Variants in MCTP1 observed in about 807,000 individuals in gnomAD.
MCTP1 encodes multiple C2 and transmembrane domain-containing protein 1.
MCTP1 carries 69 observed loss-of-function variants against 120.6 expected under a neutral mutation model. That is an observed-to-expected ratio of 0.57 (90% CI 0.47 to 0.70). The LOEUF is 0.70. MCTP1 is among the 30% of genes least tolerant of loss of function. MCTP1 has a pLI of 0.00. For missense variants in MCTP1, 1,203 were observed against 1,248.8 expected (o/e 0.96, Z 0.55); for synonymous variants, 529 against 493.1 (o/e 1.07, Z -0.96).
chr5:94,973,451 T>C (rs986477268), intron 2 of MCTP1, among the ~76,000 whole-genome samples: 1 of 152,144 alleles, frequency 6.6e-6, no homozygotes, highest in African/African-American at 2.4e-5. Flanking sequence ...AACAGAGTAT[T>C]GGTTACACCC....
chr5:95,173,877 CA>C (rs33940113), intron 1 of MCTP1, among the ~76,000 whole-genome samples: 108,544 of 149,328 alleles, frequency 0.73, 39,726 homozygotes, highest in African/African-American at 0.77. Context: ...AGATAAGAAA[CA>C]AATCAGAGAA....
chr5:94,758,943 T>C (rs1021262000), intron 19 of MCTP1, among the ~76,000 whole-genome samples: 3 of 152,216 alleles, frequency 2.0e-5, no homozygotes, highest in African/African-American at 7.2e-5. Flanking sequence ...ATTTTAGCTA[T>C]GGATTTGCCT....
At chr5:95,282,109 A>G (rs1364345194) in intron 1 of MCTP1, among the ~76,000 whole-genome samples, 2 of 152,248 alleles carry the variant, frequency 1.3e-5, no homozygotes, top group African/African-American at 4.8e-5. Context: ...GGGCTATAAA[A>G]TGCCCAGCAT....
At chr5:94,751,807 G>A (rs1292015080) in intron 19 of MCTP1, among the ~76,000 whole-genome samples, 4 of 151,974 alleles carry the variant, frequency 2.6e-5, no homozygotes, top group Non-Finnish European at 4.4e-5. Context: ...TAGGATCAAC[G>A]TTCCAGATGA....
chr5:94,894,106 T>C (rs1228940465), intron 11 of MCTP1, among the ~76,000 whole-genome samples: 1 of 152,194 alleles, frequency 6.6e-6, no homozygotes, highest in Non-Finnish European at 1.5e-5. Context: ...ATACTATCGT[T>C]CCACATTCGA....
intron 1 of MCTP1, among the ~76,000 whole-genome samples, chr5:95,018,503 A>ATTT (rs35327131): frequency 6.7e-6 from 1 of 148,352 alleles, no homozygotes; most frequent in African/African-American, 2.5e-5. Context: ...TTAAAGCAGC[A>ATTT]TTTTTTTTTT....
At chr5:94,965,108 C>G (rs1300021801) in intron 2 of MCTP1, among the ~76,000 whole-genome samples, 1 of 152,112 alleles carries the variant, frequency 6.6e-6, no homozygotes, top group African/African-American at 2.4e-5. Flanking sequence ...TTGAATAACT[C>G]TCTGAATCAT....
chr5:95,066,959 C>T (rs570995079), intron 1 of MCTP1, among the ~76,000 whole-genome samples: 1 of 152,156 alleles, frequency 6.6e-6, no homozygotes. Flanking sequence ...TGAGAATCTA[C>T]GGCCGCTGTT....
At chr5:94,739,238 C>G (rs1764958031) in intron 19 of MCTP1, 1 of 152,164 alleles carries the variant, frequency 6.6e-6, no homozygotes, top group African/African-American at 2.4e-5. Context: ...AAGTAGACAA[C>G]CTTCCACCTT....
intron 1 of MCTP1, among the ~76,000 whole-genome samples, chr5:95,069,145 C>T (rs1751464699): frequency 6.6e-6 from 1 of 152,292 alleles, no homozygotes; most frequent in East Asian, 1.9e-4. Context: ...TCTCCTCACC[C>T]ACTATGACTG....
At chr5:95,258,232 C>A (rs1316120933) in intron 1 of MCTP1, among the ~76,000 whole-genome samples, 1 of 152,142 alleles carries the variant, frequency 6.6e-6, no homozygotes. Flanking sequence ...TCAAGGTCAA[C>A]ATTAACAGTG....
chr5:94,947,377 C>A (rs895148072), intron 3 of MCTP1, among the ~76,000 whole-genome samples: 8 of 151,494 alleles, frequency 5.3e-5, no homozygotes, highest in African/African-American at 1.9e-4. Context: ...AATTGGCACT[C>A]ATTCAGTAAT....
chr5:94,958,296 A>C (rs1052405428), intron 2 of MCTP1, among the ~76,000 whole-genome samples: 14 of 152,356 alleles, frequency 9.2e-5, no homozygotes, highest in South Asian at 4.1e-4. Flanking sequence ...TATAGTACTA[A>C]ATGCCCACAA....
At chr5:95,086,700 G>A (rs1370826546) in intron 1 of MCTP1, among the ~76,000 whole-genome samples, 1 of 151,948 alleles carries the variant, frequency 6.6e-6, no homozygotes, top group Non-Finnish European at 1.5e-5. Flanking sequence ...TTCATTTGAA[G>A]AAAAAAATGC....
rs1836511345 is a variant in MCTP1, at chr5:95,013,786, T to A, written c.838+3581A>T. ...ACAAGGAGATAAGTATTGTTTTCAG[T>A]CCTGTTAACACAACATCCATTCTGC... On this transcript the variant is annotated intron_variant, in intron 2 of 22. Coordinates refer to ENST00000515393, the MANE Select transcript of MCTP1 (RefSeq NM_024717.7). 2.0e-5 allele frequency among the ~76,000 whole-genome samples: 3 copies of A among 152,262 alleles called. No homozygotes were observed. In the South Asian group the frequency reaches 6.2e-4, roughly 32 times the overall value.
intron 1 of MCTP1, among the ~76,000 whole-genome samples, chr5:95,206,847 AT>A (rs1159656469): frequency 6.6e-6 from 1 of 152,046 alleles, no homozygotes; most frequent in Non-Finnish European, 1.5e-5. Flanking sequence ...TTTTATAGAT[AT>A]TTTTTAAAGG....
At chr5:95,189,285 G>A (rs1749574774) in intron 1 of MCTP1, among the ~76,000 whole-genome samples, 2 of 152,166 alleles carry the variant, frequency 1.3e-5, no homozygotes, top group Non-Finnish European at 2.9e-5. Flanking sequence ...GTTGGTGAAA[G>A]GGAGGAGTGA....
At chr5:94,872,702 T>C (rs770392284) in intron 13 of MCTP1, among the ~76,000 whole-genome samples, 19 of 152,126 alleles carry the variant, frequency 1.2e-4, no homozygotes, top group Non-Finnish European at 1.6e-4. Flanking sequence ...ATATTCTCAT[T>C]GTGCTAAAAT....
chr5:94,777,243 G>T (rs1775568271), intron 19 of MCTP1, among the ~76,000 whole-genome samples: 2 of 152,124 alleles, frequency 1.3e-5, no homozygotes, highest in African/African-American at 4.8e-5. Context: ...AAATGTGTTA[G>T]AAGCAGGGTG....
Sources: gnomAD v4.1 joint callset for allele counts (sites outside exome capture counted in the v4.1 genomes callset) on GRCh38, gnomAD v4.1.1 for gene constraint, MANE v1.5 for transcripts, NCBI Gene and HGNC (gene_info 2026-07-23, HGNC 2026-07-21) for gene names.